PID1: variants seen among roughly 807,000 people sequenced by gnomAD.
The protein encoded by PID1 is PTB-containing, cubilin and LRP1-interacting protein.
PID1 carries 10 observed loss-of-function variants against 19.1 expected under a neutral mutation model. The ratio of observed to expected loss-of-function variants is 0.52; its 90% CI spans 0.32 to 0.89. The LOEUF is 0.89. Ranked by LOEUF, PID1 falls within the 40% of genes least tolerant of loss-of-function variation. PID1 has a pLI of 0.03. For missense variants in PID1, 248 were observed against 285.3 expected (o/e 0.87, Z 0.94); for synonymous variants, 130 against 116.0 (o/e 1.12, Z -0.78).
intron 1 of PID1, among the ~76,000 whole-genome samples, chr2:229,231,151 G>A (rs189901231): frequency 3.9e-5 from 6 of 152,160 alleles, no homozygotes; most frequent in African/African-American, 1.4e-4. Flanking sequence ...GCCCGCCTCT[G>A]TCCACCTGGA....
Position 229,189,694 on chromosome 2 carries a change from T to C in PID1, c.31-33730A>G, listed in dbSNP as rs551013096. Among the ~76,000 whole-genome samples the C allele has an allele frequency of 1.1e-4, 16 of 152,218 alleles. 1 individual carries two copies. In the South Asian group the frequency reaches 3.1e-3, roughly 30 times the overall value. On this transcript the variant is annotated intron_variant, in intron 1 of 2. Transcript: ENST00000392055. ...CCTGGGCGACAAGAGTGAAACTCCATCAACAACCAAAAAAAGAAGCCTCAA... is the reference window on the plus strand; with the variant it reads ...CCTGGGCGACAAGAGTGAAACTCCACCAACAACCAAAAAAAGAAGCCTCAA...
intron 2 of PID1, among the ~76,000 whole-genome samples, chr2:229,138,654 C>T (rs901045399): frequency 1.3e-4 from 20 of 152,016 alleles, no homozygotes; most frequent in Non-Finnish European, 2.5e-4. Flanking sequence ...TCTTCATTCC[C>T]AACATATCTG....
At chr2:229,259,582 T>G (rs1011842318) in intron 1 of PID1, among the ~76,000 whole-genome samples, 9 of 152,264 alleles carry the variant, frequency 5.9e-5, no homozygotes, top group Admixed American at 3.9e-4. Flanking sequence ...TGACCCATTT[T>G]GAGTTAATTT....
chr2:229,267,388 T>G (rs531770159), intron 1 of PID1, among the ~76,000 whole-genome samples: 1 of 152,230 alleles, frequency 6.6e-6, no homozygotes, highest in Non-Finnish European at 1.5e-5. Context: ...GAATCTGCCA[T>G]GGAGAAATGG....
At chr2:229,064,221 C>T (rs948809319) in intron 2 of PID1, among the ~76,000 whole-genome samples, 1 of 151,982 alleles carries the variant, frequency 6.6e-6, no homozygotes, top group Non-Finnish European at 1.5e-5. Flanking sequence ...AGGTAAGAGG[C>T]TATTGCAGTA....
At chr2:229,140,249 C>A (rs1235111630) in intron 2 of PID1, among the ~76,000 whole-genome samples, 1 of 152,106 alleles carries the variant, frequency 6.6e-6, no homozygotes, top group African/African-American at 2.4e-5. Flanking sequence ...CTGGAATCCT[C>A]CACCAATCCA....
chr2:229,236,858 T>C (rs1689705274), intron 1 of PID1, among the ~76,000 whole-genome samples: 1 of 151,914 alleles, frequency 6.6e-6, no homozygotes, highest in Non-Finnish European at 1.5e-5. Context: ...CTTTATATAT[T>C]AAAGGTTTAT....
At chr2:229,197,247 C>T (rs1691397513) in intron 1 of PID1, among the ~76,000 whole-genome samples, 2 of 151,912 alleles carry the variant, frequency 1.3e-5, no homozygotes, top group Admixed American at 1.3e-4. Context: ...ATTGATATAA[C>T]CCAAATCAAA....
At chr2:229,201,587 G>A (rs902866176) in intron 1 of PID1, among the ~76,000 whole-genome samples, 6 of 152,142 alleles carry the variant, frequency 3.9e-5, no homozygotes, top group Middle Eastern at 3.4e-3. Context: ...CTATGAACAC[G>A]GGTATACAAG....
intron 1 of PID1, chr2:229,231,792 G>A (rs1347517259): frequency 1.4e-6 from 2 of 1,395,562 alleles, no homozygotes; most frequent in Non-Finnish European, 1.9e-6. Flanking sequence ...TAGTCCAGAT[G>A]TGTGATGGCA....
At chr2:229,249,850 G>A (rs561446366) in intron 1 of PID1, among the ~76,000 whole-genome samples, 3 of 134,228 alleles carry the variant, frequency 2.2e-5, no homozygotes, top group Admixed American at 7.4e-5. Context: ...CCCAGGCAGA[G>A]CAGGCGGCTG....
chr2:229,159,841 T>C (rs1690456636), intron 1 of PID1, among the ~76,000 whole-genome samples: 2 of 152,202 alleles, frequency 1.3e-5, no homozygotes, highest in African/African-American at 2.4e-5. Context: ...TGGAAGTTTC[T>C]GTCCTTGCTC....
At chr2:229,091,361 G>C (rs1226519244) in intron 2 of PID1, among the ~76,000 whole-genome samples, 2 of 125,212 alleles carry the variant, frequency 1.6e-5, no homozygotes, top group African/African-American at 8.3e-5. Flanking sequence ...ACTCCCTCTG[G>C]TAAAGAAAAA....
At chr2:229,191,701 T>A (rs138826796) in intron 1 of PID1, among the ~76,000 whole-genome samples, 1 of 152,228 alleles carries the variant, frequency 6.6e-6, no homozygotes, top group Admixed American at 6.5e-5. Context: ...ATGCAATATG[T>A]GAATCAGCAC....
chr2:229,077,288 T>G (rs1694577271), intron 2 of PID1, among the ~76,000 whole-genome samples: 1 of 152,222 alleles, frequency 6.6e-6, no homozygotes, highest in African/African-American at 2.4e-5. Flanking sequence ...ATATTAGCCC[T>G]TTGTCAGATG....
intron 2 of PID1, among the ~76,000 whole-genome samples, chr2:229,091,171 G>T (rs776170821): frequency 6.6e-6 from 1 of 151,846 alleles, no homozygotes; most frequent in African/African-American, 2.4e-5. Flanking sequence ...TGCAAATAGG[G>T]TTAGAATATA....
At chr2:229,103,914 T>C (rs1695122935) in intron 2 of PID1, among the ~76,000 whole-genome samples, 1 of 152,148 alleles carries the variant, frequency 6.6e-6, no homozygotes, top group African/African-American at 2.4e-5. Flanking sequence ...TCTCCAAGAT[T>C]GGTGATTCTG....
At chr2:229,265,968 C>T (rs1373664766) in intron 1 of PID1, among the ~76,000 whole-genome samples, 2 of 152,162 alleles carry the variant, frequency 1.3e-5, no homozygotes, top group Non-Finnish European at 2.9e-5. Context: ...AGAGTTTGTT[C>T]CCAGGCTAGG....
At chr2:229,118,651 G>C (rs572868514) in intron 2 of PID1, among the ~76,000 whole-genome samples, 2 of 152,224 alleles carry the variant, frequency 1.3e-5, no homozygotes, top group African/African-American at 2.4e-5. Context: ...AATGAGAAAA[G>C]AGTCAAAAGC....
Sources: allele counts gnomAD v4.1 joint callset (sites outside exome capture counted in the v4.1 genomes callset), GRCh38; gene constraint gnomAD v4.1.1; transcripts MANE v1.5; gene names NCBI Gene and HGNC (gene_info 2026-07-23, HGNC 2026-07-21).